Variants in DOCK2 observed in about 807,000 individuals in gnomAD.
The protein encoded by DOCK2 is dedicator of cytokinesis 2, also known as dedicator of cytokinesis protein 2.
Under a neutral mutation model 248.9 loss-of-function variants are expected in DOCK2, and 87 were observed. The ratio of observed to expected loss-of-function variants is 0.35; its 90% CI spans 0.29 to 0.42. DOCK2 has a LOEUF of 0.42. DOCK2 is among the 10% of genes least tolerant of loss of function. DOCK2 has a pLI of 1.00. For missense variants in DOCK2, 1,747 were observed against 2,300.2 expected (o/e 0.76, Z 4.92); for synonymous variants, 805 against 821.6 (o/e 0.98, Z 0.35).
At chr5:170,001,442 A>G (rs989305848) in intron 30 of DOCK2, among the ~76,000 whole-genome samples, 2 of 152,196 alleles carry the variant, frequency 1.3e-5, no homozygotes, top group African/African-American at 4.8e-5. Context: ...CGATTTCAGC[A>G]GAAGAGCAGG....
At chr5:170,051,464 A>T (rs1424502578) in intron 41 of DOCK2, among the ~76,000 whole-genome samples, 1 of 152,068 alleles carries the variant, frequency 6.6e-6, no homozygotes, top group African/African-American at 2.4e-5. Context: ...AGCTCCTTAC[A>T]TGACTAGCTG....
rs990392389 is a variant in DOCK2, at chr5:169,649,511, G to A, written c.44-4892G>A. Among the ~76,000 whole-genome samples, 88 of 152,172 alleles carry A rather than the reference G, an allele frequency of 5.8e-4. 1 individual carries two copies. The highest frequency in any genetic ancestry group is 3.4e-4 in the Non-Finnish European group (23 of 68,016). ...ATTGCACTTCTACTGTGGGCCAGGC[G>A]CTAGGAATTCAGTGGTCAACAAGAT... is the stretch of plus-strand genomic sequence containing the variant. On this transcript the variant is annotated intron_variant, in intron 1 of 51. Coordinates refer to ENST00000520908, the MANE Select transcript of DOCK2 (RefSeq NM_004946.3).
chr5:169,831,696 G>A (rs896410318), intron 26 of DOCK2, among the ~76,000 whole-genome samples: 1 of 152,134 alleles, frequency 6.6e-6, no homozygotes, highest in African/African-American at 2.4e-5. Flanking sequence ...GTTAATGTCT[G>A]TAAAATACTT....
intron 1 of DOCK2, 71 bp from the exon 2 acceptor site, chr5:169,654,332 G>A (rs1757972949): frequency 6.4e-7 from 1 of 1,563,060 alleles, no homozygotes; most frequent in East Asian, 2.3e-5. Context: ...TTGAGGCAGG[G>A]AAAGCAGGAA....
intron 27 of DOCK2, among the ~76,000 whole-genome samples, chr5:169,965,929 T>C (rs1351381833): frequency 6.6e-6 from 1 of 152,162 alleles, no homozygotes; most frequent in Non-Finnish European, 1.5e-5. Flanking sequence ...GAACAGATTA[T>C]CCACTGGAAA....
chr5:170,040,882 C>T, intron 36 of DOCK2, 173 bp from the exon 37 acceptor site: 1 of 549,952 alleles, frequency 1.8e-6, no homozygotes, highest in East Asian at 2.7e-5. Context: ...CACTAAGTAA[C>T]CAACACACAC....
chr5:169,736,156 G>C (rs188133940), intron 22 of DOCK2, among the ~76,000 whole-genome samples: 1 of 152,196 alleles, frequency 6.6e-6, no homozygotes, highest in Non-Finnish European at 1.5e-5. Context: ...AGATTTGGGC[G>C]GGGATGTGGA....
intron 27 of DOCK2, among the ~76,000 whole-genome samples, chr5:169,848,531 C>T (rs261086): frequency 0.31 from 46,725 of 152,134 alleles, 9,526 homozygotes; most frequent in African/African-American, 0.58. Flanking sequence ...AGGGCTGTCC[C>T]GTCTCCTGCC....
In DOCK2 at chr5:169,674,168, T is replaced by A. The variant is rs1759198817; in HGVS notation, c.322-129T>A. The A allele has an allele frequency of 3.8e-6, 4 of 1,050,704 alleles. No homozygotes were observed. The East Asian group carries it at 1.0e-4, about 28-fold the overall frequency. The allele number at this position is 1,050,704 out of a possible 1,614,324, so 65.1% of individuals were successfully genotyped here. A position where few individuals can be genotyped will look rare whatever the true frequency, so the allele number is the denominator to read the frequency against. ...GGACCCCCACCTAATCCTTTTGTAG[T>A]GGGTAGGGCAGGGAGAGAGCCTCAG... On this transcript the variant is annotated intron_variant, in intron 5 of 51. Transcript: ENST00000520908.
chr5:169,662,752 A>G (rs1180001988), intron 2 of DOCK2, among the ~76,000 whole-genome samples: 1 of 152,092 alleles, frequency 6.6e-6, no homozygotes, highest in South Asian at 2.1e-4. Flanking sequence ...AACCGTCCCT[A>G]TGATCCAGTC....
At chr5:169,961,379 A>G (rs1777080423) in intron 27 of DOCK2, among the ~76,000 whole-genome samples, 1 of 152,262 alleles carries the variant, frequency 6.6e-6, no homozygotes, top group African/African-American at 2.4e-5. Context: ...CTTGCCTTGC[A>G]TCAGGGGAAT....
chr5:169,883,546 C>G (rs765416295), intron 27 of DOCK2: 120 of 1,551,546 alleles, frequency 7.7e-5, no homozygotes, highest in Non-Finnish European at 9.5e-5. Flanking sequence ...CAGGGACTTA[C>G]TGGCTGTGAG....
chr5:169,734,945 A>G (rs1311555356), intron 22 of DOCK2, among the ~76,000 whole-genome samples: 1 of 152,208 alleles, frequency 6.6e-6, no homozygotes, highest in African/African-American at 2.4e-5. Flanking sequence ...ACGTACCCAG[A>G]GACCTGCTTT....
At chr5:169,894,644 G>T (rs981792229) in intron 27 of DOCK2, among the ~76,000 whole-genome samples, 5 of 152,186 alleles carry the variant, frequency 3.3e-5, no homozygotes, top group Non-Finnish European at 7.3e-5. Context: ...GCGCATGACT[G>T]CAGTGCCATT....
chr5:169,869,681 A>C (rs1020363903), intron 27 of DOCK2, among the ~76,000 whole-genome samples: 2 of 152,244 alleles, frequency 1.3e-5, no homozygotes, highest in African/African-American at 4.8e-5. Flanking sequence ...AACCCCTTGC[A>C]AAAAGGAGTA....
chr5:170,002,473 G>T (rs961462172), intron 30 of DOCK2, among the ~76,000 whole-genome samples: 2 of 152,182 alleles, frequency 1.3e-5, no homozygotes, highest in African/African-American at 2.4e-5. Flanking sequence ...ATTCTGAAAG[G>T]CTATCCAAGG....
intron 27 of DOCK2, among the ~76,000 whole-genome samples, chr5:169,920,697 A>G (rs1581418643): frequency 6.6e-6 from 1 of 152,214 alleles, no homozygotes; most frequent in African/African-American, 2.4e-5. Context: ...AGAGCACATC[A>G]GCTCTGTGCT....
chr5:169,717,248 A>G (rs2113551537), intron 20 of DOCK2, 136 bp from the exon 21 acceptor site: 1 of 663,748 alleles, frequency 1.5e-6, no homozygotes, highest in Non-Finnish European at 2.7e-6. Flanking sequence ...TGCTACCTTA[A>G]TAAAGAGAAC....
At chr5:169,946,270 C>A (rs927396019) in intron 27 of DOCK2, among the ~76,000 whole-genome samples, 1 of 152,180 alleles carries the variant, frequency 6.6e-6, no homozygotes, top group Admixed American at 6.5e-5. Context: ...TTCCAGCCCC[C>A]CACATCCAGC....
Sources: gnomAD v4.1 joint callset for allele counts (sites outside exome capture counted in the v4.1 genomes callset) on GRCh38, gnomAD v4.1.1 for gene constraint, MANE v1.5 for transcripts, NCBI Gene and HGNC (gene_info 2026-07-23, HGNC 2026-07-21) for gene names.